Variants in MYO16 observed in about 807,000 individuals in gnomAD.
MYO16 encodes myosin XVI, also known as unconventional myosin-XVI.
Under a neutral mutation model 205.3 loss-of-function variants are expected in MYO16, and 94 were observed. The observed-to-expected ratio is 0.46, with a 90% CI of 0.39 to 0.54. MYO16 has a LOEUF of 0.54. Ranked by LOEUF, MYO16 falls within the 20% of genes least tolerant of loss-of-function variation. The pLI, the probability that MYO16 is intolerant of heterozygous loss-of-function variation, is 0.00. For synonymous variants in MYO16, 988 were observed against 954.0 expected (o/e 1.04, Z -0.66); for missense variants, 2,315 against 2,387.5 (o/e 0.97, Z 0.63).
intron 12 of MYO16, among the ~76,000 whole-genome samples, chr13:108,871,408 C>T (rs944067365): frequency 4.6e-5 from 7 of 150,798 alleles, no homozygotes; most frequent in African/African-American, 7.3e-5. Context: ...CTGACATCCA[C>T]GGAGATTTTT....
chr13:108,608,668 A>G (rs1879054886), intron 1 of MYO16, among the ~76,000 whole-genome samples: 1 of 151,806 alleles, frequency 6.6e-6, no homozygotes, highest in Non-Finnish European at 1.5e-5. Flanking sequence ...TTTTTGAGAC[A>G]GTCCTGCTCT....
chr13:108,581,486 C>CT, the MYO16 span, among the ~76,000 whole-genome samples: 35 of 151,040 alleles, frequency 2.3e-4, 1 homozygote, highest in Middle Eastern at 0.01. Flanking sequence ...TTCTTCTTGC[C>CT]TTTTTTTTTG....
intron 27 of MYO16, chr13:109,065,534 A>G (rs1469449300): frequency 2.2e-6 from 1 of 453,704 alleles, no homozygotes; most frequent in South Asian, 1.7e-5. Flanking sequence ...CTGAAAAAAA[A>G]AAAAAGAAAA....
intron 16 of MYO16, among the ~76,000 whole-genome samples, chr13:108,934,356 C>T (rs547840452): frequency 6.6e-6 from 1 of 152,212 alleles, no homozygotes; most frequent in Admixed American, 6.5e-5. Flanking sequence ...TGATGAAAAG[C>T]ATTTTTTCTT....
chr13:109,179,550 GAAGAAGATGGATACTCACGGTTGTCTA>G lies in MYO16; in HGVS notation c.5333_5359del (p.Glu1778_Ile1787delinsVal), dbSNP rs779857178. ...TGTGTTGACCTCAATAGGTTTACCT[GAAGAAGATGGATACTCACGGTTGTCTA>G]TAAGTGGCACAGGGACTTCGACATT... On this transcript the variant is annotated inframe_deletion, in exon 34 of 35. Coordinates refer to ENST00000457511, the MANE Select transcript of MYO16 (RefSeq NM_001198950.3). 5 of 1,613,530 alleles carry G rather than the reference GAAGAAGATGGATACTCACGGTTGTCTA, an allele frequency of 3.1e-6. No homozygotes were observed. The Admixed American group carries it at 8.3e-5, about 27-fold the overall frequency.
At chr13:109,177,848 A>G (rs1202608701) in intron 33 of MYO16, among the ~76,000 whole-genome samples, 2 of 152,140 alleles carry the variant, frequency 1.3e-5, no homozygotes, top group African/African-American at 4.8e-5. Flanking sequence ...GGTTTGAAAA[A>G]TGGATCACAT....
intron 3 of MYO16, among the ~76,000 whole-genome samples, chr13:108,719,304 C>T (rs964762056): frequency 1.3e-5 from 2 of 152,164 alleles, no homozygotes; most frequent in African/African-American, 4.8e-5. Flanking sequence ...GGTTTCCTTA[C>T]TTATCAGCCT....
At chr13:109,015,102 C>T (rs1315711295) in intron 22 of MYO16, among the ~76,000 whole-genome samples, 3 of 152,182 alleles carry the variant, frequency 2.0e-5, no homozygotes, top group African/African-American at 7.2e-5. Context: ...TTGGGTTTGT[C>T]ATAAATAGCT....
intron 21 of MYO16, among the ~76,000 whole-genome samples, chr13:109,003,693 C>G (rs896688748): frequency 2.6e-5 from 4 of 152,092 alleles, no homozygotes; most frequent in Non-Finnish European, 2.9e-5. Context: ...TTCAGTGAAG[C>G]CAATATTCAA....
intron 27 of MYO16, among the ~76,000 whole-genome samples, chr13:109,099,903 C>A (rs2139709782): frequency 6.6e-6 from 1 of 152,316 alleles, no homozygotes; most frequent in South Asian, 2.1e-4. Context: ...AGATGAAACA[C>A]TAAGGTATTA....
Position 109,178,046 on chromosome 13 carries a change from T to G in MYO16, c.5324-1496T>G, listed in dbSNP as rs543289578. On this transcript the variant is annotated intron_variant, in intron 33 of 34. Transcript: ENST00000457511. ...TCCCAAGCCCTTTGTTGTGCCCTAC[T>G]ACCCGGAAACACATTTTTTTTCCAA... Among the ~76,000 whole-genome samples, 4 of 152,296 alleles carry G rather than the reference T, an allele frequency of 2.6e-5. No homozygotes were observed. The East Asian group carries it at 7.7e-4, about 29-fold the overall frequency.
At chr13:108,700,345 AAAAAAG>A (rs1249226475) in intron 2 of MYO16, among the ~76,000 whole-genome samples, 7 of 21,648 alleles carry the variant, frequency 3.2e-4, no homozygotes, top group South Asian at 2.3e-3. Context: ...AAAAAAAAAA[AAAAAAG>A]AAGAAGAAGA....
At chr13:108,729,216 C>T (rs1314698869) in intron 4 of MYO16, among the ~76,000 whole-genome samples, 4 of 151,686 alleles carry the variant, frequency 2.6e-5, no homozygotes, top group South Asian at 2.1e-4. Context: ...ACTAAATTGC[C>T]GGTTCACCAT....
At chr13:108,528,617 TCC>T in the MYO16 span, among the ~76,000 whole-genome samples, 3 of 5,518 alleles carry the variant, frequency 5.4e-4, no homozygotes, top group African/African-American at 2.3e-3. Context: ...TCTCCTCCCC[TCC>T]CCTCTCCCCC....
intron 1 of MYO16, among the ~76,000 whole-genome samples, chr13:108,622,519 A>C (rs1879582958): frequency 6.6e-6 from 1 of 152,118 alleles, no homozygotes. Flanking sequence ...CATTAGCCTC[A>C]TGCACTGTGG....
intron 1 of MYO16, among the ~76,000 whole-genome samples, chr13:108,604,821 T>C (rs1254153498): frequency 6.6e-6 from 1 of 152,212 alleles, no homozygotes; most frequent in Non-Finnish European, 1.5e-5. Context: ...AGAGAGCAGG[T>C]ACAATGTCTG....
intron 2 of MYO16, among the ~76,000 whole-genome samples, chr13:108,672,524 G>A (rs1447507164): frequency 1.3e-5 from 2 of 151,404 alleles, no homozygotes; most frequent in Non-Finnish European, 2.9e-5. Flanking sequence ...AGTAATTCAG[G>A]ATTTTTTTTG....
intron 7 of MYO16, among the ~76,000 whole-genome samples, chr13:108,808,605 G>A (rs1887189687): frequency 6.6e-6 from 1 of 152,000 alleles, no homozygotes; most frequent in Non-Finnish European, 1.5e-5. Context: ...GAGCCACCAT[G>A]CCCTGCCAGA....
chr13:108,527,203 G>A, the MYO16 span, among the ~76,000 whole-genome samples: 3 of 152,012 alleles, frequency 2.0e-5, no homozygotes, highest in Non-Finnish European at 4.4e-5. Context: ...ACAGTCCCTG[G>A]AACTTATACA....
Sources: allele counts gnomAD v4.1 joint callset (sites outside exome capture counted in the v4.1 genomes callset), GRCh38; gene constraint gnomAD v4.1.1; transcripts MANE v1.5; gene names NCBI Gene and HGNC (gene_info 2026-07-23, HGNC 2026-07-21).